Variants in DOCK10 observed in about 807,000 individuals in gnomAD.
DOCK10 encodes dedicator of cytokinesis protein 10.
In DOCK10, 145 loss-of-function variants were observed where a neutral mutation model predicts 280.1. The observed-to-expected ratio is 0.52, with a 90% confidence interval of 0.45 to 0.59. DOCK10 has a LOEUF of 0.59. Ranked by LOEUF, DOCK10 falls within the 20% of genes least tolerant of loss-of-function variation. The pLI, the probability that DOCK10 is intolerant of heterozygous loss-of-function variation, is 0.00. For synonymous variants in DOCK10, 915 were observed against 942.2 expected (o/e 0.97, Z 0.53); for missense variants, 2,368 against 2,651.7 (o/e 0.89, Z 2.35).
At chr2:224,909,048 C>G (rs55977947) in intron 3 of DOCK10, among the ~76,000 whole-genome samples, 1 of 152,080 alleles carries the variant, frequency 6.6e-6, no homozygotes, top group African/African-American at 2.4e-5. Context: ...CTGTATTGTT[C>G]TCAATTCTTT....
At chr2:224,931,799 G>T in intron 1 of DOCK10, 131 bp from the exon 2 acceptor site, 1 of 1,009,034 alleles carries the variant, frequency 9.9e-7, no homozygotes, top group Non-Finnish European at 1.4e-6. Context: ...CAGTCACAGA[G>T]ACTCCAGGAA....
chr2:224,991,022 C>T (rs1356330106), intron 1 of DOCK10, among the ~76,000 whole-genome samples: 4 of 152,184 alleles, frequency 2.6e-5, no homozygotes, highest in Non-Finnish European at 5.9e-5. Flanking sequence ...GAACTAAGCT[C>T]ACAGTGACTT....
intron 4 of DOCK10, among the ~76,000 whole-genome samples, chr2:224,889,854 C>T (rs146478760): frequency 6.6e-6 from 1 of 152,322 alleles, no homozygotes; most frequent in East Asian, 1.9e-4. Context: ...CCTTCCCTCT[C>T]CCCCACTCCT....
chr2:224,864,146 A>G (rs1353309927), intron 13 of DOCK10, among the ~76,000 whole-genome samples: 1 of 152,248 alleles, frequency 6.6e-6, no homozygotes, highest in East Asian at 1.9e-4. Context: ...CATTTCACCA[A>G]TAAGTGAGTA....
chr2:225,026,127 C>G (rs10206147), intron 1 of DOCK10, among the ~76,000 whole-genome samples: 42,940 of 151,510 alleles, frequency 0.28, 6,743 homozygotes, highest in African/African-American at 0.42. Context: ...TGGCACGGGC[C>G]TGAGTGGCAT....
chr2:224,791,391 T>A, intron 47 of DOCK10, among the ~76,000 whole-genome samples: 1 of 150,950 alleles, frequency 6.6e-6, no homozygotes, highest in East Asian at 1.9e-4. Context: ...GGGTGCCACA[T>A]CTGGCTTCTT....
chr2:224,807,966 G>A lies in DOCK10; in HGVS notation c.3530C>T (p.Ala1177Val). 1 of 1,612,876 alleles carries A rather than the reference G, an allele frequency of 6.2e-7. No individual in the cohort carries two copies. Among genetic ancestry groups the A allele is most frequent in the Admixed American group, 1.7e-5 (1 of 59,822 alleles). The change falls in exon 32 of 56, where the codon GCT becomes GTT. Residue 1177 changes from alanine to valine, a missense_variant. By Grantham distance (64) the Ala-to-Val change is moderately conservative. Around this residue, in one of 2 missense-constraint regions of DOCK10, gnomAD observed 1,159 missense variants for 1,400.8 expected, o/e 0.83. Coordinates refer to ENST00000258390, the MANE Select transcript of DOCK10 (RefSeq NM_014689.3). ...EDQDVRHLALAVLKNLMAKHS... is the reference protein window; with the variant it reads ...EDQDVRHLALVVLKNLMAKHS... Reference sequence around the variant, plus strand: ...CTTAGCCATTAGATTTTTTAGGACAGCTAAAGCTAAGTGTCTGACATCTTG... The same window carrying A: ...CTTAGCCATTAGATTTTTTAGGACAACTAAAGCTAAGTGTCTGACATCTTG...
At chr2:224,855,434 G>C (rs1697058228) in intron 15 of DOCK10, among the ~76,000 whole-genome samples, 1 of 152,300 alleles carries the variant, frequency 6.6e-6, no homozygotes, top group East Asian at 1.9e-4. Context: ...ATTTTAAGAA[G>C]TTTTGAGAGC....
At chr2:224,961,420 TTCTTTC>T (rs944346395) in intron 1 of DOCK10, among the ~76,000 whole-genome samples, 15 of 100,026 alleles carry the variant, frequency 1.5e-4, no homozygotes, top group African/African-American at 6.4e-4. Context: ...TTCTCTTTCT[TTCTTTC>T]TTTCTTTCTT....
chr2:225,029,093 C>T (rs1454731497), intron 1 of DOCK10, among the ~76,000 whole-genome samples: 1 of 152,196 alleles, frequency 6.6e-6, no homozygotes, highest in Non-Finnish European at 1.5e-5. Context: ...TTTGAGTCCT[C>T]CCGTGGCATT....
intron 39 of DOCK10, among the ~76,000 whole-genome samples, chr2:224,802,896 G>A (rs1398349554): frequency 2.6e-5 from 4 of 152,048 alleles, no homozygotes; most frequent in Non-Finnish European, 5.9e-5. Flanking sequence ...ACTTTTCAAG[G>A]CTGTTTTGGT....
At chr2:224,973,620 T>G (rs1705225604) in intron 1 of DOCK10, among the ~76,000 whole-genome samples, 1 of 152,056 alleles carries the variant, frequency 6.6e-6, no homozygotes, top group African/African-American at 2.4e-5. Context: ...CGTTTCAGAT[T>G]TCTGATCTCC....
chr2:224,817,374 T>C (rs1023656958), intron 29 of DOCK10, among the ~76,000 whole-genome samples: 2 of 152,234 alleles, frequency 1.3e-5, no homozygotes, highest in African/African-American at 4.8e-5. Flanking sequence ...TTTACTCTCA[T>C]GCATGCTAAG....
intron 1 of DOCK10, among the ~76,000 whole-genome samples, chr2:224,938,785 C>T (rs925327251): frequency 3.9e-5 from 6 of 152,160 alleles, no homozygotes; most frequent in South Asian, 4.1e-4. Flanking sequence ...GATGCACGGC[C>T]GCAGCTGTCA....
chr2:224,992,026 TG>T (rs1319736839), intron 1 of DOCK10, among the ~76,000 whole-genome samples: 2 of 152,154 alleles, frequency 1.3e-5, no homozygotes, highest in African/African-American at 4.8e-5. Context: ...CAAGTGGCCT[TG>T]GGTTCAGGAG....
intron 39 of DOCK10, among the ~76,000 whole-genome samples, chr2:224,803,425 A>G (rs1163534253): frequency 6.6e-6 from 1 of 152,144 alleles, no homozygotes; most frequent in Non-Finnish European, 1.5e-5. Context: ...CATAATATAT[A>G]TTATGATGAT....
chr2:224,923,116 T>A (rs1238521366), intron 2 of DOCK10, among the ~76,000 whole-genome samples: 1 of 152,236 alleles, frequency 6.6e-6, no homozygotes, highest in Non-Finnish European at 1.5e-5. Flanking sequence ...AGAATATTAC[T>A]TTAGTACCTG....
At chr2:224,944,246 C>CT (rs773184746) in intron 1 of DOCK10, among the ~76,000 whole-genome samples, 17 of 152,194 alleles carry the variant, frequency 1.1e-4, no homozygotes, top group Non-Finnish European at 2.5e-4. Context: ...GTTCAGAAGT[C>CT]TGTCTCCTAG....
intron 1 of DOCK10, among the ~76,000 whole-genome samples, chr2:224,974,692 A>G (rs1171267241): frequency 6.7e-6 from 1 of 149,000 alleles, no homozygotes; most frequent in Admixed American, 6.8e-5. Flanking sequence ...TTTTCTAGCC[A>G]TAAAACTACA....
Sources: allele counts gnomAD v4.1 joint callset (sites outside exome capture counted in the v4.1 genomes callset), GRCh38; gene constraint gnomAD v4.1.1; regional missense constraint gnomAD v4.1.1; transcripts MANE v1.5; gene names NCBI Gene and HGNC (gene_info 2026-07-23, HGNC 2026-07-21).